The following SLC7A2 variants were observed in gnomAD, a reference collection of about 807,000 sequenced individuals.
SLC7A2 encodes the protein solute carrier family 7 member 2, also known as cationic amino acid transporter 2.
A neutral mutation model predicts 58.9 loss-of-function variants in SLC7A2; 48 were observed. That is an observed-to-expected ratio of 0.82 (90% CI 0.65 to 1.04). SLC7A2 has a LOEUF of 1.04. SLC7A2 is among the 50% of genes least tolerant of loss of function. The probability of loss-of-function intolerance (pLI) is 0.00; values close to 1 mark genes in which losing one functional copy is unlikely to be tolerated. For synonymous variants in SLC7A2, 363 were observed against 314.5 expected (o/e 1.15, Z -1.63); for missense variants, 1,029 against 818.8 (o/e 1.26, Z -3.13).
intron 2 of SLC7A2, among the ~76,000 whole-genome samples, chr8:17,508,422 C>A (rs1201466806): frequency 6.6e-6 from 1 of 152,114 alleles, no homozygotes; most frequent in African/African-American, 2.4e-5. Context: ...GCCCTGTCTA[C>A]TTTTAAAAAT....
At chr8:17,515,583 G>A (rs1327804003) in intron 2 of SLC7A2, among the ~76,000 whole-genome samples, 1 of 152,146 alleles carries the variant, frequency 6.6e-6, no homozygotes, top group African/African-American at 2.4e-5. Context: ...GTGAGCCACT[G>A]TGCCCTGCCT....
chr8:17,542,877 G>T (rs1483005332), intron 2 of SLC7A2, among the ~76,000 whole-genome samples: 1 of 152,118 alleles, frequency 6.6e-6, no homozygotes, highest in African/African-American at 2.4e-5. Flanking sequence ...TGGGAGGATT[G>T]TTTGAGCCCA....
At chr8:17,494,627 T>A (rs1799915304), upstream of SLC7A2, among the ~76,000 whole-genome samples, 1 of 152,202 alleles carries the variant, frequency 6.6e-6, no homozygotes, top group Non-Finnish European at 1.5e-5. Context: ...AAAATTCGAT[T>A]CTATTTTCTC....
At chr8:17,561,598 A>C (rs1802989062) in intron 10 of SLC7A2, among the ~76,000 whole-genome samples, 2 of 152,122 alleles carry the variant, frequency 1.3e-5, no homozygotes, top group Admixed American at 1.3e-4. Flanking sequence ...GCCATTTCCC[A>C]TTTGAAAAAA....
upstream of SLC7A2, among the ~76,000 whole-genome samples, chr8:17,495,611 A>G (rs553294344): frequency 8.3e-4 from 127 of 152,238 alleles, no homozygotes; most frequent in African/African-American, 3.0e-3. Flanking sequence ...CTGTAGTGGC[A>G]CTATCTCGGC....
intron 12 of SLC7A2, among the ~76,000 whole-genome samples, chr8:17,564,341 T>C (rs1012244745): frequency 2.0e-5 from 3 of 152,196 alleles, no homozygotes; most frequent in Admixed American, 6.5e-5. Flanking sequence ...CATATAAACA[T>C]TGAAAAACTT....
chr8:17,547,729 T>C (rs1262603930), intron 4 of SLC7A2, among the ~76,000 whole-genome samples: 3 of 152,020 alleles, frequency 2.0e-5, no homozygotes, highest in African/African-American at 4.8e-5. Flanking sequence ...TACCTCAATA[T>C]AGTCGAAGAT....
rs1031189575 is a variant in SLC7A2, at chr8:17,569,868, G to A, written c.*4722G>A. 1 of 152,298 alleles carries A rather than the reference G, an allele frequency of 6.6e-6. No individual in the cohort carries two copies. The allele number at this position is 152,298 out of a possible 1,614,324, so 9.4% of individuals were successfully genotyped here. The stretch of plus-strand genomic sequence containing the variant: ...CGTGGAGATCATAATCAGGGCCCCA[G>A]GCTGGTTCCAGGATCAGGCAGCCTA... On this transcript the variant is annotated 3_prime_UTR_variant, in exon 13 of 13. Transcript: ENST00000494857.
Position 17,570,001 on chromosome 8 carries a change from C to G in SLC7A2, c.*4855C>G, listed in dbSNP as rs564848175. 1 of 152,242 alleles carries G rather than the reference C, an allele frequency of 6.6e-6. No individual in the cohort carries two copies. The highest frequency in any genetic ancestry group is 2.1e-4 in the South Asian group (1 of 4,818). The allele number at this position is 152,242 out of a possible 1,614,324, so 9.4% of individuals were successfully genotyped here. A position where few individuals can be genotyped will look rare whatever the true frequency, so the allele number is the denominator to read the frequency against. ...AAATGCAAGTAAGGTAGTTTGGGCT[C>G]CTTAATTCCAAACATCCCATGAGTA... On this transcript the variant is annotated 3_prime_UTR_variant, in exon 13 of 13. Coordinates refer to ENST00000494857, the MANE Select transcript of SLC7A2 (RefSeq NM_001370338.1).
intron 2 of SLC7A2, among the ~76,000 whole-genome samples, chr8:17,531,639 C>T (rs1563453898): frequency 6.6e-6 from 1 of 151,764 alleles, no homozygotes. Context: ...GTAACTTAAG[C>T]TATTATTATT....
chr8:17,556,027 T>A (rs1454029946), intron 8 of SLC7A2, among the ~76,000 whole-genome samples: 1 of 152,178 alleles, frequency 6.6e-6, no homozygotes, highest in Non-Finnish European at 1.5e-5. Flanking sequence ...AAAATGGAAT[T>A]TTTTTCAGGG....
chr8:17,532,986 G>A (rs1174007964), intron 2 of SLC7A2, among the ~76,000 whole-genome samples: 1 of 152,030 alleles, frequency 6.6e-6, no homozygotes, highest in Non-Finnish European at 1.5e-5. Flanking sequence ...AGGACCTTCA[G>A]TTTTAAGGAC....
At chr8:17,507,122 A>G (rs147185558) in intron 2 of SLC7A2, among the ~76,000 whole-genome samples, 2,616 of 151,270 alleles carry the variant, frequency 0.017, 99 homozygotes, top group African/African-American at 0.061. Context: ...TTTTTTTTGT[A>G]TTTTAGTAGA....
chr8:17,512,158 A>G (rs1484354659), intron 2 of SLC7A2, among the ~76,000 whole-genome samples: 1 of 152,100 alleles, frequency 6.6e-6, no homozygotes, highest in African/African-American at 2.4e-5. Flanking sequence ...GTCAGGCTTT[A>G]ATTCGTGTTT....
At position 17,513,707 on chromosome 8, in the gene SLC7A2, G is replaced by A. The variant is rs138350921; in HGVS notation, c.-23+11405G>A. ...GACATCATTTTTGGCAGAATCAAAT[G>A]ATAGTGAAGCTAGCCTAAGAAATAA... On this transcript the variant is annotated intron_variant, in intron 2 of 12. Transcript: ENST00000494857. Among the ~76,000 whole-genome samples, 211 of 152,296 alleles carry A rather than the reference G, an allele frequency of 1.4e-3. 1 individual carries two copies. Among genetic ancestry groups the A allele is most frequent in the Non-Finnish European group, 2.1e-3 (145 of 68,022 alleles).
intron 9 of SLC7A2, among the ~76,000 whole-genome samples, chr8:17,560,074 T>C (rs1362109877): frequency 2.0e-5 from 3 of 152,224 alleles, no homozygotes; most frequent in East Asian, 1.9e-4. Flanking sequence ...CTTTACAATT[T>C]CACTTTCTTG....
Position 17,565,645 on chromosome 8 carries a change from T to C in SLC7A2, c.*499T>C, listed in dbSNP as rs1803233963. On this transcript the variant is annotated 3_prime_UTR_variant, in exon 13 of 13. Coordinates refer to ENST00000494857, the MANE Select transcript of SLC7A2 (RefSeq NM_001370338.1). ...GTTTAGGGGATGCCAAAAATGCAGT[T>C]ACTCATCATGGTGTCTGTCACTGGT... The C allele has an allele frequency of 6.5e-6, 1 of 152,834 alleles. No individual in the cohort carries two copies. Among genetic ancestry groups the C allele is most frequent in the Non-Finnish European group, 1.5e-5 (1 of 68,462 alleles). The allele number at this position is 152,834 out of a possible 1,614,324, so 9.5% of individuals were successfully genotyped here.
chr8:17,544,563 A>G lies in SLC7A2; in HGVS notation c.489A>G (p.Glu163=), dbSNP rs765073498. 6.2e-7 allele frequency: 1 copy of G among 1,614,058 alleles called. No homozygotes were observed. The highest frequency in any genetic ancestry group is 8.5e-7 in the Non-Finnish European group (1 of 1,179,950). ...YFRMNYTGLA[E]YPDFFAVCLI... ...GAATGAATTACACTGGTCTTGCAGA[A>G]TATCCCGATTTTTTTGCTGTGTGCC... The change falls in exon 4 of 13, where the codon GAA becomes GAG. Residue 163 remains glutamate, a synonymous_variant. Transcript: ENST00000494857.
At chr8:17,550,129 C>T (rs1206458333) in intron 5 of SLC7A2, among the ~76,000 whole-genome samples, 172 bp from the exon 6 acceptor site, 1 of 152,160 alleles carries the variant, frequency 6.6e-6, no homozygotes, top group Non-Finnish European at 1.5e-5. Flanking sequence ...CTGTTAGTGG[C>T]ACCACCACAT....
Sources: allele counts gnomAD v4.1 joint callset (sites outside exome capture counted in the v4.1 genomes callset), GRCh38; gene constraint gnomAD v4.1.1; transcripts MANE v1.5; gene names NCBI Gene and HGNC (gene_info 2026-07-23, HGNC 2026-07-21).